The following PCDHA2 variants were observed in gnomAD, a reference collection of about 807,000 sequenced individuals.
The protein encoded by PCDHA2 is protocadherin alpha-2.
PCDHA2 carries 58 observed loss-of-function variants against 66.0 expected under a neutral mutation model. The ratio of observed to expected loss-of-function variants is 0.88; its 90% CI spans 0.71 to 1.09. The LOEUF is 1.09. Ranked by LOEUF, PCDHA2 falls within the 50% of genes least tolerant of loss-of-function variation. PCDHA2 has a pLI of 0.00. For missense variants in PCDHA2, 1,267 were observed against 1,242.3 expected, an observed-to-expected ratio of 1.02 and a Z score of -0.30; for synonymous variants, 634 against 554.0, an observed-to-expected ratio of 1.14 and a Z score of -2.03.
chr5:140,869,332 G>T (rs1554162910), intron 1 of PCDHA2: 1 of 1,613,960 alleles, frequency 6.2e-7, no homozygotes, highest in South Asian at 1.1e-5. Context: ...CCTTCTGGAG[G>T]TAAATCTGCA....
intron 1 of PCDHA2, chr5:140,835,816 C>G (rs1554135300): frequency 6.2e-7 from 1 of 1,612,730 alleles, no homozygotes; most frequent in Non-Finnish European, 8.5e-7. Flanking sequence ...TTCACTGTGT[C>G]GGCGGGGGAC....
At chr5:140,822,596 A>G in intron 1 of PCDHA2, 1 of 1,612,122 alleles carries the variant, frequency 6.2e-7, no homozygotes, top group Non-Finnish European at 8.5e-7. Flanking sequence ...GGCATCAATA[A>G]GGAAATAGTG....
intron 1 of PCDHA2, among the ~76,000 whole-genome samples, chr5:140,919,580 A>G (rs1454243319): frequency 1.3e-5 from 2 of 152,194 alleles, no homozygotes; most frequent in African/African-American, 4.8e-5. Context: ...TTAGAATGTA[A>G]CATGGTAATT....
intron 1 of PCDHA2, chr5:140,876,038 G>A (rs2153335869): frequency 6.2e-7 from 1 of 1,613,822 alleles, no homozygotes; most frequent in East Asian, 2.2e-5. Context: ...AAAGATAAAA[G>A]TATATTGCCT....
At chr5:140,851,252 GTATTT>G (rs1434639310) in intron 1 of PCDHA2, 2 of 1,089,048 alleles carry the variant, frequency 1.8e-6, no homozygotes, top group Non-Finnish European at 2.3e-6. Context: ...ATGATGCATA[GTATTT>G]TAGTCTACTT....
At chr5:140,962,414 C>T (rs2095681226) in intron 1 of PCDHA2, among the ~76,000 whole-genome samples, 1 of 152,166 alleles carries the variant, frequency 6.6e-6, no homozygotes, top group African/African-American at 2.4e-5. Context: ...CCTGTCTCTC[C>T]CTTTTTATTG....
intron 1 of PCDHA2, chr5:140,929,046 C>CT (rs1229193922): frequency 6.2e-7 from 1 of 1,614,206 alleles, no homozygotes; most frequent in Non-Finnish European, 8.5e-7. Flanking sequence ...CTCAGAGCTG[C>CT]TGTCGCTCTA....
At chr5:140,853,611 G>A in intron 1 of PCDHA2, 1 of 988,014 alleles carries the variant, frequency 1.0e-6, no homozygotes. Flanking sequence ...AGGGGGTGCT[G>A]TAAATAAGTA....
intron 1 of PCDHA2, chr5:140,884,600 C>G: frequency 6.2e-7 from 1 of 1,614,150 alleles, no homozygotes; most frequent in African/African-American, 1.3e-5. Flanking sequence ...CAGCCTTCCT[C>G]CTTGTCTGGG....
In PCDHA2 at chr5:140,998,286, A is replaced by G. The variant is rs913397915; in HGVS notation, c.2537-11341A>G. Among the ~76,000 whole-genome samples, 51 of 152,230 alleles carry G rather than the reference A, an allele frequency of 3.4e-4. 1 individual carries two copies. Among genetic ancestry groups the G allele is most frequent in the Non-Finnish European group, 1.5e-5 (1 of 68,044 alleles). On this transcript the variant is annotated intron_variant, in intron 3 of 3. Coordinates refer to ENST00000526136, the MANE Select transcript of PCDHA2 (RefSeq NM_018905.3). ...AAACTGACACCCATAGGATTAAATC[A>G]GATCACACATTTAGTAAGGGCACCA...
intron 1 of PCDHA2, among the ~76,000 whole-genome samples, chr5:140,897,173 G>A (rs1212341088): frequency 6.6e-6 from 1 of 151,926 alleles, no homozygotes; most frequent in East Asian, 1.9e-4. Context: ...CTATCTCCAT[G>A]GGTTCAAAAA....
chr5:140,884,021 G>C, intron 1 of PCDHA2: 1 of 1,613,318 alleles, frequency 6.2e-7, no homozygotes, highest in Non-Finnish European at 8.5e-7. Flanking sequence ...GCCGCGGTCG[G>C]TGGGTGCAGG....
chr5:140,843,370 G>A lies in PCDHA2; in HGVS notation c.2388+46018G>A, dbSNP rs782264664. On this transcript the variant is annotated intron_variant, in intron 1 of 3. Coordinates refer to ENST00000526136, the MANE Select transcript of PCDHA2 (RefSeq NM_018905.3). Reference sequence around the variant, plus strand: ...CTCCAAAAGCGTCATCGAGGCAGTCGGCTGGCGTTTTGGGTCCGGAAGCGG... The same window carrying A: ...CTCCAAAAGCGTCATCGAGGCAGTCAGCTGGCGTTTTGGGTCCGGAAGCGG... The A allele has an allele frequency of 1.2e-5, 19 of 1,596,088 alleles. 2 individuals carry two copies. Among genetic ancestry groups the A allele is most frequent in the Non-Finnish European group, 1.6e-5 (19 of 1,165,604 alleles).
rs2150176322 is a variant in PCDHA2, at chr5:140,829,855, C to T, written c.2388+32503C>T. 3 of 1,613,928 alleles carry T rather than the reference C, an allele frequency of 1.9e-6. No individual in the cohort carries two copies. In the South Asian group the frequency reaches 3.3e-5, roughly 18 times the overall value. ...TGGTGCCGCGGTCACTGGGTGCAGG[C>T]CAAGTGGTGGCGAAGGTGCGCGCAG... On this transcript the variant is annotated intron_variant, in intron 1 of 3. Transcript: ENST00000526136.
intron 1 of PCDHA2, chr5:140,884,024 G>T: frequency 1.2e-6 from 2 of 1,613,318 alleles, no homozygotes; most frequent in South Asian, 2.2e-5. Flanking sequence ...GCGGTCGGTG[G>T]GTGCAGGCCA....
Position 140,876,296 on chromosome 5 carries a change from G to C in PCDHA2, c.2388+78944G>C, listed in dbSNP as rs1337465467. On this transcript the variant is annotated intron_variant, in intron 1 of 3. Coordinates refer to ENST00000526136, the MANE Select transcript of PCDHA2 (RefSeq NM_018905.3). ...TCCGATCCAGACGAAGGACTTAATGGAGAAATTTCCTATGGGATCAAAATG... is the reference window on the plus strand; with the variant it reads ...TCCGATCCAGACGAAGGACTTAATGCAGAAATTTCCTATGGGATCAAAATG... 19 of 1,613,952 alleles carry C rather than the reference G, an allele frequency of 1.2e-5. No individual in the cohort carries two copies. Among genetic ancestry groups the C allele is most frequent in the Non-Finnish European group, 1.6e-5 (19 of 1,179,904 alleles).
intron 1 of PCDHA2, chr5:140,927,356 G>C: frequency 6.2e-7 from 1 of 1,614,076 alleles, no homozygotes. Context: ...GACGAGGGAA[G>C]CAATGGGATA....
intron 1 of PCDHA2, among the ~76,000 whole-genome samples, chr5:140,886,068 GC>G (rs1462692271): frequency 5.3e-5 from 8 of 152,098 alleles, no homozygotes; most frequent in African/African-American, 9.7e-5. Context: ...AAAGCGTAGG[GC>G]CATACCACAA....
intron 1 of PCDHA2, chr5:140,803,928 T>C: frequency 4.3e-6 from 2 of 464,504 alleles, no homozygotes; most frequent in Non-Finnish European, 7.6e-6. Context: ...TGTTTTATAC[T>C]TATCCCTATA....
Sources: gnomAD v4.1 joint callset for allele counts (sites outside exome capture counted in the v4.1 genomes callset) on GRCh38, gnomAD v4.1.1 for gene constraint, MANE v1.5 for transcripts, NCBI Gene and HGNC (gene_info 2026-07-23, HGNC 2026-07-21) for gene names.